FHIT: variants seen among roughly 807,000 people sequenced by gnomAD.
FHIT encodes the protein fragile histidine triad diadenosine triphosphatase.
FHIT carries 19 observed loss-of-function variants against 17.9 expected under a neutral mutation model. That is an observed-to-expected ratio of 1.06 (90% CI 0.74 to 1.56). The LOEUF is 1.56. Ranked by LOEUF, FHIT falls within the 40% of genes most tolerant of loss-of-function variation. FHIT has a pLI of 0.00. For synonymous variants in FHIT, 81 were observed against 69.7 expected (o/e 1.16, Z -0.81); for missense variants, 248 against 189.2 (o/e 1.31, Z -1.82).
intron 5 of FHIT, among the ~76,000 whole-genome samples, chr3:60,355,732 A>T (rs1477866890): frequency 2.6e-5 from 4 of 152,150 alleles, no homozygotes; most frequent in African/African-American, 7.2e-5. Flanking sequence ...ATTTTTTTTT[A>T]AATTTATCTT....
At chr3:61,069,579 C>A (rs969739429) in intron 2 of FHIT, among the ~76,000 whole-genome samples, 1 of 152,040 alleles carries the variant, frequency 6.6e-6, no homozygotes, top group Admixed American at 6.6e-5. Context: ...TTAATTCCTG[C>A]CCAACCAAAT....
intron 5 of FHIT, among the ~76,000 whole-genome samples, chr3:60,243,998 A>G (rs1404960630): frequency 1.3e-5 from 2 of 152,034 alleles, no homozygotes; most frequent in Non-Finnish European, 2.9e-5. Context: ...TGAAAAACTC[A>G]GACAGGTCTT....
chr3:61,207,876 T>C (rs960466671), intron 1 of FHIT, among the ~76,000 whole-genome samples: 14 of 152,054 alleles, frequency 9.2e-5, no homozygotes, highest in Non-Finnish European at 2.1e-4. Context: ...AGTGTTGCTC[T>C]TGCTTCTCTA....
chr3:59,834,698 C>G (rs989844393), intron 8 of FHIT, among the ~76,000 whole-genome samples: 2 of 152,148 alleles, frequency 1.3e-5, no homozygotes, highest in Non-Finnish European at 2.9e-5. Context: ...ATCCTCATGG[C>G]TTAATCACTT....
chr3:61,191,127 C>A (rs904105318), intron 2 of FHIT, among the ~76,000 whole-genome samples: 1 of 151,978 alleles, frequency 6.6e-6, no homozygotes, highest in African/African-American at 2.4e-5. Context: ...TTTCACCTCA[C>A]AGGTAAAGCC....
At chr3:61,010,492 G>C (rs577439336) in intron 3 of FHIT, among the ~76,000 whole-genome samples, 73 of 152,250 alleles carry the variant, frequency 4.8e-4, no homozygotes, top group African/African-American at 1.7e-3. Context: ...CTAATGTTTA[G>C]AAAGGTTAAG....
chr3:59,877,631 A>G (rs1011479949), intron 8 of FHIT, among the ~76,000 whole-genome samples: 2 of 152,230 alleles, frequency 1.3e-5, no homozygotes, highest in Non-Finnish European at 2.9e-5. Flanking sequence ...GGCTTGGGCT[A>G]TGATCATCAG....
intron 5 of FHIT, among the ~76,000 whole-genome samples, chr3:60,065,726 T>C (rs374560472): frequency 1.3e-4 from 20 of 152,288 alleles, no homozygotes; most frequent in African/African-American, 4.8e-4. Context: ...TCTGCTCAGT[T>C]TGCCCATTGC....
At chr3:59,987,710 T>C (rs1001085102) in intron 7 of FHIT, among the ~76,000 whole-genome samples, 1 of 152,002 alleles carries the variant, frequency 6.6e-6, no homozygotes, top group Non-Finnish European at 1.5e-5. Context: ...AAATCCTGAA[T>C]TCCTTTTGTA....
chr3:60,987,744 C>A (rs549379806), intron 3 of FHIT, among the ~76,000 whole-genome samples: 1 of 152,128 alleles, frequency 6.6e-6, no homozygotes, highest in African/African-American at 2.4e-5. Flanking sequence ...CAGTAAGTCC[C>A]CAGTTTAGCT....
rs565434940 is a variant in FHIT, at chr3:60,927,557, G to A, written c.-110-105546C>T. On this transcript the variant is annotated intron_variant, in intron 3 of 9. Coordinates refer to ENST00000492590, the MANE Select transcript of FHIT (RefSeq NM_002012.4). The stretch of plus-strand genomic sequence containing the variant: ...AAGTGAGGAGCGTCTCTGCCTGGCC[G>A]CCCATCATCTGGGATGTGGGGAGCG... 9.9e-5 allele frequency among the ~76,000 whole-genome samples: 15 copies of A among 151,896 alleles called. No homozygotes were observed. The East Asian group carries it at 1.6e-3, about 16-fold the overall frequency.
chr3:60,267,876 G>A (rs939708926), intron 5 of FHIT, among the ~76,000 whole-genome samples: 9 of 152,138 alleles, frequency 5.9e-5, no homozygotes, highest in Non-Finnish European at 1.3e-4. Flanking sequence ...ACTTGGACTT[G>A]ATAGTCTAAG....
intron 8 of FHIT, among the ~76,000 whole-genome samples, chr3:59,816,025 A>C (rs1158490007): frequency 6.6e-6 from 1 of 152,206 alleles, no homozygotes; most frequent in Non-Finnish European, 1.5e-5. Context: ...AAGCAAAAAA[A>C]CCCACTTGCC....
At chr3:60,359,621 AC>A (rs1699822375) in intron 5 of FHIT, among the ~76,000 whole-genome samples, 1 of 152,112 alleles carries the variant, frequency 6.6e-6, no homozygotes, top group Non-Finnish European at 1.5e-5. Flanking sequence ...ACAGCCCATG[AC>A]CCCTTCACCA....
chr3:61,247,963 G>C (rs747099869), intron 1 of FHIT, among the ~76,000 whole-genome samples: 4 of 152,076 alleles, frequency 2.6e-5, no homozygotes, highest in African/African-American at 9.7e-5. Flanking sequence ...TAAATCATGG[G>C]TCCCCAGACA....
intron 2 of FHIT, among the ~76,000 whole-genome samples, chr3:61,127,612 C>T (rs1200248339): frequency 2.0e-5 from 3 of 152,122 alleles, no homozygotes; most frequent in African/African-American, 7.2e-5. Flanking sequence ...CACCTGTAAT[C>T]CCAGCACTTT....
chr3:60,091,437 G>C (rs1316000680), intron 5 of FHIT, among the ~76,000 whole-genome samples: 1 of 152,202 alleles, frequency 6.6e-6, no homozygotes, highest in Non-Finnish European at 1.5e-5. Context: ...TTGGCACCTG[G>C]AGTGACAAGG....
At chr3:59,799,341 T>C (rs1338340795) in intron 8 of FHIT, among the ~76,000 whole-genome samples, 1 of 152,148 alleles carries the variant, frequency 6.6e-6, no homozygotes, top group African/African-American at 2.4e-5. Flanking sequence ...CAGGTCCTAC[T>C]GGGCAAGACT....
intron 5 of FHIT, among the ~76,000 whole-genome samples, chr3:60,362,128 A>T (rs867742400): frequency 2.0e-5 from 3 of 152,168 alleles, no homozygotes; most frequent in Non-Finnish European, 4.4e-5. Context: ...GATGTTATAG[A>T]ATATATATAG....
Sources: gnomAD v4.1 joint callset for allele counts (sites outside exome capture counted in the v4.1 genomes callset) on GRCh38, gnomAD v4.1.1 for gene constraint, MANE v1.5 for transcripts, NCBI Gene and HGNC (gene_info 2026-07-23, HGNC 2026-07-21) for gene names.